Variants in TCF12 observed in about 807,000 individuals in gnomAD.
TCF12 encodes the protein transcription factor 12.
In TCF12, 45 loss-of-function variants were observed where a neutral mutation model predicts 86.0. The observed-to-expected ratio is 0.52, with a 90% CI of 0.41 to 0.67. TCF12 has a LOEUF of 0.67. Among genes scored for constraint, TCF12 ranks in the 30% least tolerant of loss-of-function variants. TCF12 has a pLI of 0.00. For missense variants in TCF12, 881 were observed against 859.9 expected (o/e 1.02, Z -0.31); for synonymous variants, 330 against 299.6 (o/e 1.10, Z -1.05).
At chr15:57,258,573 T>A (rs1302525790) in intron 16 of TCF12, among the ~76,000 whole-genome samples, 1 of 152,200 alleles carries the variant, frequency 6.6e-6, no homozygotes, top group Non-Finnish European at 1.5e-5. Flanking sequence ...AAAATTTCAT[T>A]TGTGAGATCT....
chr15:57,212,711 G>A lies in TCF12; in HGVS notation c.579+14886G>A, dbSNP rs1382676733. ...GTGCATAATAAAATGTTTTATTAGT[G>A]GTGAAATGGCTAGGAAGTCTTTGGC... On this transcript the variant is annotated intron_variant, in intron 8 of 20. Coordinates refer to ENST00000333725, the MANE Select transcript of TCF12 (RefSeq NM_207037.2). Among the ~76,000 whole-genome samples the A allele has an allele frequency of 3.3e-5, 5 of 152,116 alleles. No homozygotes were observed. In the East Asian group the frequency reaches 9.6e-4, roughly 29 times the overall value.
intron 5 of TCF12, among the ~76,000 whole-genome samples, chr15:57,158,564 T>G (rs528148867): frequency 6.6e-6 from 1 of 152,296 alleles, no homozygotes; most frequent in South Asian, 2.1e-4. Context: ...CATTGGCATT[T>G]TAGCACTTCT....
intron 8 of TCF12, among the ~76,000 whole-genome samples, chr15:57,216,159 A>T (rs1277817187): frequency 6.6e-6 from 1 of 152,144 alleles, no homozygotes; most frequent in East Asian, 1.9e-4. Flanking sequence ...GAAAAGCCAT[A>T]TTTGAAAATT....
intron 3 of TCF12, among the ~76,000 whole-genome samples, chr15:57,030,179 T>C (rs1209600348): frequency 6.6e-6 from 1 of 152,208 alleles, no homozygotes; most frequent in Non-Finnish European, 1.5e-5. Flanking sequence ...GTTGATTAAT[T>C]GAGTCGTGGT....
At chr15:56,982,383 A>G (rs1308626732) in intron 3 of TCF12, among the ~76,000 whole-genome samples, 1 of 152,222 alleles carries the variant, frequency 6.6e-6, no homozygotes, top group Non-Finnish European at 1.5e-5. Context: ...TTTTAAAAAT[A>G]TAGGTAAATT....
chr15:57,214,947 C>T (rs1341906826), intron 8 of TCF12, among the ~76,000 whole-genome samples: 1 of 152,078 alleles, frequency 6.6e-6, no homozygotes, highest in East Asian at 1.9e-4. Flanking sequence ...TTAAAAGATG[C>T]ACTATTGATT....
At chr15:57,121,620 T>C (rs2051239481) in intron 5 of TCF12, among the ~76,000 whole-genome samples, 1 of 152,174 alleles carries the variant, frequency 6.6e-6, no homozygotes, top group Non-Finnish European at 1.5e-5. Context: ...GATACAGTAT[T>C]GCTCCCCTCA....
intron 3 of TCF12, among the ~76,000 whole-genome samples, chr15:57,012,658 A>G (rs1409780707): frequency 6.6e-6 from 1 of 152,196 alleles, no homozygotes; most frequent in East Asian, 1.9e-4. Flanking sequence ...GGTTCCAGTG[A>G]CATCCTCGAC....
intron 12 of TCF12, among the ~76,000 whole-genome samples, chr15:57,240,390 A>G (rs1485348020): frequency 6.6e-6 from 1 of 152,204 alleles, no homozygotes; most frequent in Non-Finnish European, 1.5e-5. Flanking sequence ...ATGCTGCTTC[A>G]TGAGTTGGGC....
intron 5 of TCF12, among the ~76,000 whole-genome samples, chr15:57,096,078 A>G (rs949739733): frequency 1.2e-4 from 18 of 152,144 alleles, no homozygotes; most frequent in African/African-American, 3.4e-4. Context: ...TTGTTTCTTC[A>G]TAGCTCAGAT....
chr15:57,108,220 G>A (rs188027532), intron 5 of TCF12, among the ~76,000 whole-genome samples: 1 of 152,252 alleles, frequency 6.6e-6, no homozygotes, highest in African/African-American at 2.4e-5. Flanking sequence ...ATAGATGTGT[G>A]GGGTGAGGGA....
intron 3 of TCF12, among the ~76,000 whole-genome samples, chr15:57,011,747 C>A (rs1359611440): frequency 6.6e-6 from 1 of 152,094 alleles, no homozygotes; most frequent in Non-Finnish European, 1.5e-5. Flanking sequence ...CCCTCTCCAC[C>A]CTCAAGAAAC....
At chr15:57,019,880 CATTA>C (rs1248047770) in intron 3 of TCF12, among the ~76,000 whole-genome samples, 1 of 151,924 alleles carries the variant, frequency 6.6e-6, no homozygotes, top group Non-Finnish European at 1.5e-5. Context: ...TGTGACCTTT[CATTA>C]ATTTTCATTC....
intron 3 of TCF12, among the ~76,000 whole-genome samples, chr15:56,935,356 C>T (rs1354134444): frequency 6.6e-6 from 1 of 152,144 alleles, no homozygotes; most frequent in African/African-American, 2.4e-5. Flanking sequence ...GCATGGTCAC[C>T]TTCTGGTGAG....
chr15:57,284,037 C>G (rs2061823235), intron 20 of TCF12, among the ~76,000 whole-genome samples: 2 of 152,182 alleles, frequency 1.3e-5, no homozygotes, highest in Admixed American at 1.3e-4. Flanking sequence ...ACAGATTGTA[C>G]ATGTCAGGGA....
intron 5 of TCF12, among the ~76,000 whole-genome samples, chr15:57,140,002 C>T (rs2052840544): frequency 6.6e-6 from 1 of 152,198 alleles, no homozygotes; most frequent in Non-Finnish European, 1.5e-5. Flanking sequence ...ACAGTTTATT[C>T]CTCAAAAAAT....
intron 12 of TCF12, among the ~76,000 whole-genome samples, chr15:57,238,491 G>A (rs186441832): frequency 1.3e-5 from 2 of 152,240 alleles, no homozygotes; most frequent in Non-Finnish European, 2.9e-5. Context: ...CAGAAATAGT[G>A]AAACCTCACC....
chr15:57,068,027 T>TA (rs1161001587), intron 4 of TCF12, among the ~76,000 whole-genome samples: 4 of 152,092 alleles, frequency 2.6e-5, no homozygotes, highest in South Asian at 4.1e-4. Context: ...GTTAATGACT[T>TA]ACTCTAGTTT....
intron 12 of TCF12, among the ~76,000 whole-genome samples, chr15:57,234,495 G>C (rs1362245454): frequency 1.3e-5 from 2 of 152,052 alleles, no homozygotes; most frequent in Admixed American, 1.3e-4. Flanking sequence ...TTTATGTACT[G>C]TATTTTTTTT....
Sources: allele counts gnomAD v4.1 joint callset (sites outside exome capture counted in the v4.1 genomes callset), GRCh38; gene constraint gnomAD v4.1.1; transcripts MANE v1.5; gene names NCBI Gene and HGNC (gene_info 2026-07-23, HGNC 2026-07-21).